Variants in TRMT11 observed in about 807,000 individuals in gnomAD.
The protein encoded by TRMT11 is tRNA methyltransferase 11.
Under a neutral mutation model 62.8 loss-of-function variants are expected in TRMT11, and 53 were observed. The ratio of observed to expected loss-of-function variants is 0.84; its 90% confidence interval spans 0.68 to 1.06. The LOEUF (loss-of-function observed/expected upper bound fraction) is 1.06, where lower values mean the gene tolerates loss of function less well. TRMT11 is among the 50% of genes least tolerant of loss of function. TRMT11 has a pLI of 0.00. For missense variants in TRMT11, 556 were observed against 553.4 expected (o/e 1.00, Z -0.05); for synonymous variants, 188 against 190.3 (o/e 0.99, Z 0.10).
chr6:126,078,155 C>G (rs9375424), intron 17 of TRMT11, among the ~76,000 whole-genome samples: 151,801 of 152,304 alleles, frequency 1, 75,652 homozygotes, highest in Middle Eastern at 1. Flanking sequence ...CCTCTGAAAG[C>G]TAAGAGTCAC....
At chr6:126,237,704 G>T in the TRMT11 span, among the ~76,000 whole-genome samples, 1 of 151,836 alleles carries the variant, frequency 6.6e-6, no homozygotes, top group East Asian at 1.9e-4. Context: ...TAAATAAAAA[G>T]TCTCTTAAAG....
At chr6:126,210,304 C>T in the TRMT11 span, among the ~76,000 whole-genome samples, 1 of 152,136 alleles carries the variant, frequency 6.6e-6, no homozygotes, top group Non-Finnish European at 1.5e-5. Context: ...GGTCACAGGG[C>T]AGGAAATGGC....
intron 17 of TRMT11, among the ~76,000 whole-genome samples, chr6:126,057,740 C>G (rs1200756797): frequency 1.3e-5 from 2 of 152,154 alleles, no homozygotes; most frequent in Non-Finnish European, 2.9e-5. Flanking sequence ...GCCTTCAGTC[C>G]GTCAAACACG....
chr6:126,074,449 G>T lies in TRMT11; in HGVS notation c.*1437+21259G>T, dbSNP rs148194122. Among the ~76,000 whole-genome samples the T allele has an allele frequency of 9.2e-5, 14 of 152,252 alleles. No homozygotes were observed. The East Asian group carries it at 2.7e-3, about 29-fold the overall frequency. ...CATCAAGGTAGACTTCTTGGGGTAG[G>T]TGTGGAAATATCTAAGCTCAAATAT... On this transcript the variant is annotated intron_variant and NMD_transcript_variant, in intron 17 of 22. Transcript: ENST00000648977.
chr6:126,116,511 A>C (rs914604065), intron 21 of TRMT11, among the ~76,000 whole-genome samples: 5 of 152,134 alleles, frequency 3.3e-5, no homozygotes, highest in African/African-American at 1.2e-4. Context: ...ACACATAAGC[A>C]TATGTGGTTT....
At position 125,986,566 on chromosome 6, in the gene TRMT11, A is replaced by T. The variant is rs952717956; in HGVS notation, c.16A>T (p.Thr6Ser). The T allele has an allele frequency of 6.3e-7, 1 of 1,590,414 alleles. No homozygotes were observed. The highest frequency in any genetic ancestry group is 1.3e-5 in the African/African-American group (1 of 74,712). The change falls in exon 1 of 13, where the codon ACC becomes TCC. Residue 6 changes from threonine to serine, a missense_variant. By Grantham distance (58) the Thr-to-Ser change is moderately conservative. Transcript: ENST00000334379. MALSC[T>S]LNRYLLLMAQ... ...GGCAGCTGCAATGGCGCTGTCGTGT[A>T]CCCTTAACAGGTATCTGCTCCTCAT...
At chr6:126,151,393 A>G (rs1339314639) in intron 21 of TRMT11, among the ~76,000 whole-genome samples, 3 of 152,142 alleles carry the variant, frequency 2.0e-5, no homozygotes, top group South Asian at 2.1e-4. Context: ...AATATTTTTT[A>G]AGAGTTTCCC....
the TRMT11 span, among the ~76,000 whole-genome samples, chr6:126,213,083 A>G: frequency 6.6e-6 from 1 of 152,072 alleles, no homozygotes; most frequent in Admixed American, 6.5e-5. Context: ...TTCACTGTAG[A>G]TGTGTGGACT....
the TRMT11 span, among the ~76,000 whole-genome samples, chr6:126,240,053 C>T: frequency 3.9e-5 from 6 of 152,204 alleles, no homozygotes. Context: ...TGGTTTTCAG[C>T]TCCATCAGGT....
At chr6:126,107,875 G>A (rs1777482255) in intron 17 of TRMT11, among the ~76,000 whole-genome samples, 1 of 152,078 alleles carries the variant, frequency 6.6e-6, no homozygotes, top group South Asian at 2.1e-4. Flanking sequence ...TAGAAGGAGA[G>A]CAATTTATAG....
intron 21 of TRMT11, among the ~76,000 whole-genome samples, chr6:126,128,639 A>C (rs558460373): frequency 1.8e-4 from 28 of 152,000 alleles, no homozygotes; most frequent in Non-Finnish European, 3.2e-4. Flanking sequence ...TCCCCACAAT[A>C]CCTACTGCCT....
chr6:126,044,082 T>G (rs1490384184), downstream of TRMT11, among the ~76,000 whole-genome samples: 125 of 151,598 alleles, frequency 8.2e-4, no homozygotes, highest in Middle Eastern at 3.4e-3. Context: ...GTCAATTTTG[T>G]CTTTTGTTGC....
intron 1 of TRMT11, among the ~76,000 whole-genome samples, chr6:126,197,890 G>T (rs1026210506): frequency 6.6e-6 from 1 of 152,076 alleles, no homozygotes; most frequent in Admixed American, 6.6e-5. Flanking sequence ...GGCAGTGAGG[G>T]ACCAAAGGAA....
At chr6:126,213,261 G>A in the TRMT11 span, among the ~76,000 whole-genome samples, 33 of 152,116 alleles carry the variant, frequency 2.2e-4, 1 homozygote, top group South Asian at 6.8e-3. Flanking sequence ...TGGATCTCTT[G>A]TGAGTCCATA....
chr6:126,002,671 A>T (rs1792707342), intron 7 of TRMT11, among the ~76,000 whole-genome samples: 1 of 151,946 alleles, frequency 6.6e-6, no homozygotes, highest in South Asian at 2.1e-4. Flanking sequence ...TTTTATTTTC[A>T]AATATGTATA....
chr6:126,201,708 T>G (rs903884408), intron 3 of TRMT11, among the ~76,000 whole-genome samples: 2 of 152,220 alleles, frequency 1.3e-5, no homozygotes, highest in African/African-American at 4.8e-5. Flanking sequence ...TCCTATATTT[T>G]TTCCTTACAT....
At chr6:126,156,890 T>A (rs529208510) in intron 21 of TRMT11, among the ~76,000 whole-genome samples, 1 of 152,156 alleles carries the variant, frequency 6.6e-6, no homozygotes, top group African/African-American at 2.4e-5. Flanking sequence ...AACATGAGAT[T>A]TGGATGGACA....
chr6:126,267,621 C>T, the TRMT11 span, among the ~76,000 whole-genome samples: 1 of 152,172 alleles, frequency 6.6e-6, no homozygotes, highest in Non-Finnish European at 1.5e-5. Flanking sequence ...GTGATTGCTA[C>T]CACAGGAAAG....
At position 125,991,244 on chromosome 6, in the gene TRMT11, TC is replaced by T. The variant is rs1463918955; in HGVS notation, c.73-2512del. On this transcript the variant is annotated intron_variant, in intron 1 of 12. Coordinates refer to ENST00000334379, the MANE Select transcript of TRMT11 (RefSeq NM_001031712.3). ...CCGGGTGACAGTGTGAGACTCCATC[TC>T]AAAAAAAAAAAAAAAATTTTTTTTG... Among the ~76,000 whole-genome samples the T allele has an allele frequency of 1.3e-4, 18 of 136,100 alleles. No individual in the cohort carries two copies. In the South Asian group the frequency reaches 3.9e-3, roughly 30 times the overall value. The allele number at this position is 136,100 out of a possible 152,430, so 89.3% of individuals were successfully genotyped here.
Sources: allele counts gnomAD v4.1 joint callset (sites outside exome capture counted in the v4.1 genomes callset), GRCh38; gene constraint gnomAD v4.1.1; transcripts MANE v1.5; gene names NCBI Gene and HGNC (gene_info 2026-07-23, HGNC 2026-07-21).